Variants in STK3 observed in about 807,000 individuals in gnomAD.
STK3 encodes the protein serine/threonine kinase 3.
In STK3, 41 loss-of-function variants were observed where a neutral mutation model predicts 58.0. The observed-to-expected ratio is 0.71, with a 90% CI of 0.55 to 0.92. The LOEUF is 0.92. Ranked by LOEUF, STK3 falls within the 40% of genes least tolerant of loss-of-function variation. The probability of loss-of-function intolerance (pLI) is 0.00; values close to 1 mark genes in which losing one functional copy is unlikely to be tolerated. For missense variants in STK3, 479 were observed against 602.7 expected (o/e 0.79, Z 2.15); for synonymous variants, 170 against 191.0 (o/e 0.89, Z 0.91).
intron 1 of STK3, chr8:98,883,862 A>G: frequency 1.6e-6 from 1 of 611,950 alleles, no homozygotes; most frequent in Non-Finnish European, 3.0e-6. Flanking sequence ...TTCACTCCTT[A>G]GTTCAGTCAA....
chr8:98,838,613 T>C (rs1835840125), intron 3 of STK3, among the ~76,000 whole-genome samples: 1 of 152,160 alleles, frequency 6.6e-6, no homozygotes. Context: ...GAGCATGTGA[T>C]ACATTCAAAG....
chr8:98,911,331 AC>A (rs1219459529), intron 1 of STK3, among the ~76,000 whole-genome samples: 1 of 152,194 alleles, frequency 6.6e-6, no homozygotes, highest in Non-Finnish European at 1.5e-5. Flanking sequence ...AGCCTCCCTT[AC>A]AAAATTACTA....
rs138330605 is a variant in STK3 at position 98,717,188 on chromosome 8, A to G, written c.352-9877T>C. ...AACAGACAAATTGGACTTCATGAAA[A>G]TTAAAAAAAAAAACCTGTGCATCCC... On this transcript the variant is annotated intron_variant, in intron 4 of 10. Transcript: ENST00000419617. Among the ~76,000 whole-genome samples the G allele has an allele frequency of 1.4e-3, 219 of 152,050 alleles. 1 individual carries two copies. The highest frequency in any genetic ancestry group is 2.5e-3 in the Non-Finnish European group (170 of 67,950).
intron 4 of STK3, among the ~76,000 whole-genome samples, chr8:98,739,290 C>A (rs1209186020): frequency 6.6e-6 from 1 of 152,226 alleles, no homozygotes; most frequent in Non-Finnish European, 1.5e-5. Context: ...AGACTGCCTC[C>A]TCAAGTGGGT....
intron 3 of STK3, among the ~76,000 whole-genome samples, chr8:98,411,823 A>AC (rs963669391): frequency 5.9e-5 from 9 of 152,312 alleles, no homozygotes; most frequent in African/African-American, 2.2e-4. Context: ...GTGTTCCCTG[A>AC]GTGGGACCAA....
chr8:98,690,657 A>T (rs1242756954), intron 6 of STK3, among the ~76,000 whole-genome samples: 1 of 152,202 alleles, frequency 6.6e-6, no homozygotes, highest in Non-Finnish European at 1.5e-5. Context: ...ATTCCTATCA[A>T]ACTACCATCA....
intron 1 of STK3, among the ~76,000 whole-genome samples, chr8:98,929,971 G>A (rs763053787): frequency 6.6e-6 from 1 of 152,184 alleles, no homozygotes; most frequent in Non-Finnish European, 1.5e-5. Flanking sequence ...GTGCTAGCAT[G>A]CACTTTGATT....
intron 6 of STK3, among the ~76,000 whole-genome samples, chr8:98,653,446 T>C (rs1354927755): frequency 2.0e-5 from 3 of 151,972 alleles, no homozygotes; most frequent in South Asian, 2.1e-4. Flanking sequence ...AGCAAACACA[T>C]TCAAAAGCTA....
At chr8:98,823,135 AAATT>A (rs1226280780) in intron 1 of STK3, among the ~76,000 whole-genome samples, 1 of 152,226 alleles carries the variant, frequency 6.6e-6, no homozygotes, top group African/African-American at 2.4e-5. Flanking sequence ...AAAACAGAAA[AAATT>A]AATCCACCAA....
At position 98,653,179 on chromosome 8, in the gene STK3, C is replaced by T. The variant is rs1821115969; in HGVS notation, c.684+53288G>A. ...AACTAGAACTCAGGATTAAGACACT[C>T]ACTCAAAACCGCTCAACTACATGGA... On this transcript the variant is annotated intron_variant, in intron 6 of 10. Coordinates refer to ENST00000419617, the MANE Select transcript of STK3 (RefSeq NM_006281.4). Among the ~76,000 whole-genome samples the T allele has an allele frequency of 1.3e-5, 2 of 152,316 alleles. 1 individual carries two copies. Among genetic ancestry groups the T allele is most frequent in the South Asian group, 4.1e-4 (2 of 4,828 alleles).
chr8:98,500,089 C>A (rs1360553966), intron 10 of STK3, among the ~76,000 whole-genome samples: 1 of 152,020 alleles, frequency 6.6e-6, no homozygotes, highest in African/African-American at 2.4e-5. Context: ...CTTGGATTAT[C>A]TCAGTGGGCC....
intron 10 of STK3, among the ~76,000 whole-genome samples, chr8:98,488,473 G>T (rs1822442026): frequency 6.6e-6 from 1 of 152,128 alleles, no homozygotes. Context: ...GGGTAGGGTA[G>T]GGAGGAAATG....
chr8:98,580,686 C>G (rs1160356147), intron 7 of STK3, among the ~76,000 whole-genome samples: 6 of 152,148 alleles, frequency 3.9e-5, no homozygotes. Context: ...AATCATGGCT[C>G]ACTATAGTCT....
At chr8:98,893,752 C>T (rs2131934312) in intron 1 of STK3, among the ~76,000 whole-genome samples, 1 of 152,296 alleles carries the variant, frequency 6.6e-6, no homozygotes, top group East Asian at 1.9e-4. Flanking sequence ...TGGCCTGTGG[C>T]TCCACCCACA....
intron 6 of STK3, among the ~76,000 whole-genome samples, chr8:98,628,049 C>A (rs552770057): frequency 1.3e-5 from 2 of 152,256 alleles, no homozygotes; most frequent in African/African-American, 2.4e-5. Context: ...AAACATGTAA[C>A]CTAATTCTCC....
intron 6 of STK3, among the ~76,000 whole-genome samples, chr8:98,632,409 G>T (rs973394225): frequency 6.6e-6 from 1 of 152,110 alleles, no homozygotes; most frequent in African/African-American, 2.4e-5. Flanking sequence ...GCCAAGATTT[G>T]CTAACTTGGC....
chr8:98,651,120 G>A (rs1677702003), intron 6 of STK3, among the ~76,000 whole-genome samples: 1 of 152,176 alleles, frequency 6.6e-6, no homozygotes, highest in Non-Finnish European at 1.5e-5. Flanking sequence ...CACCTCACAC[G>A]GCCGGGTACT....
chr8:98,690,821 A>G (rs1385512075), intron 6 of STK3, among the ~76,000 whole-genome samples: 1 of 152,224 alleles, frequency 6.6e-6, no homozygotes, highest in Non-Finnish European at 1.5e-5. Flanking sequence ...TGTAACCAAA[A>G]CAGCAAGGTA....
chr8:98,473,556 C>A (rs1040150395), intron 10 of STK3, among the ~76,000 whole-genome samples: 3 of 152,146 alleles, frequency 2.0e-5, no homozygotes, highest in Non-Finnish European at 4.4e-5. Context: ...TTTAAATTGG[C>A]AATCAAACTT....
Sources: allele counts gnomAD v4.1 joint callset (sites outside exome capture counted in the v4.1 genomes callset), GRCh38; gene constraint gnomAD v4.1.1; transcripts MANE v1.5; gene names NCBI Gene and HGNC (gene_info 2026-07-23, HGNC 2026-07-21).